Variants in CACNB2 observed in about 807,000 individuals in gnomAD.
CACNB2 encodes the protein calcium voltage-gated channel auxiliary subunit beta 2.
Under a neutral mutation model 73.3 loss-of-function variants are expected in CACNB2, and 42 were observed. That is an observed-to-expected ratio of 0.57 (90% CI 0.45 to 0.74). The LOEUF is 0.74. Ranked by LOEUF, CACNB2 falls within the 30% of genes least tolerant of loss-of-function variation. The probability of loss-of-function intolerance (pLI) is 0.00; values close to 1 mark genes in which losing one functional copy is unlikely to be tolerated. For synonymous variants in CACNB2, 348 were observed against 310.3 expected (o/e 1.12, Z -1.28); for missense variants, 940 against 853.0 (o/e 1.10, Z -1.27).
At chr10:18,254,752 G>A (rs572827461) in intron 2 of CACNB2, among the ~76,000 whole-genome samples, 119 of 152,344 alleles carry the variant, frequency 7.8e-4, no homozygotes, top group African/African-American at 2.6e-3. Context: ...GGAGAGAAAT[G>A]AGGACTGGAC....
chr10:18,378,165 T>C (rs1164529774), intron 2 of CACNB2, among the ~76,000 whole-genome samples: 1 of 152,158 alleles, frequency 6.6e-6, no homozygotes, highest in African/African-American at 2.4e-5. Context: ...CTGATAATTA[T>C]AATAAACTTC....
At chr10:18,366,419 C>T (rs1185451916) in intron 2 of CACNB2, among the ~76,000 whole-genome samples, 3 of 148,730 alleles carry the variant, frequency 2.0e-5, no homozygotes, top group Non-Finnish European at 4.4e-5. Flanking sequence ...AAGCCAAGAT[C>T]GCGCCACTGC....
At chr10:18,304,058 C>T (rs939394170) in intron 2 of CACNB2, among the ~76,000 whole-genome samples, 6 of 152,206 alleles carry the variant, frequency 3.9e-5, no homozygotes, top group African/African-American at 7.2e-5. Flanking sequence ...CAGGCTCCAT[C>T]GATCCTCCTA....
At chr10:18,329,684 A>G (rs2040724274) in intron 2 of CACNB2, among the ~76,000 whole-genome samples, 2 of 152,146 alleles carry the variant, frequency 1.3e-5, no homozygotes, top group South Asian at 4.1e-4. Context: ...CACATGGTAG[A>G]AACCAGTGCT....
intron 3 of CACNB2, among the ~76,000 whole-genome samples, chr10:18,451,942 C>G (rs1325989): frequency 0.1 from 15,275 of 152,192 alleles, 938 homozygotes; most frequent in Admixed American, 0.17. Flanking sequence ...TAGCTCATAA[C>G]AGCTGTATAA....
chr10:18,465,182 T>C (rs905669482), intron 3 of CACNB2, among the ~76,000 whole-genome samples: 1 of 152,136 alleles, frequency 6.6e-6, no homozygotes, highest in African/African-American at 2.4e-5. Context: ...ATATAAAAAT[T>C]AGCTGGGCTT....
intron 9 of CACNB2, 73 bp from the exon 10 acceptor site, chr10:18,527,515 T>C: frequency 2.3e-6 from 2 of 876,288 alleles, no homozygotes; most frequent in Non-Finnish European, 3.9e-6. Context: ...TAGATGAATT[T>C]GGGGCATACA....
intron 2 of CACNB2, among the ~76,000 whole-genome samples, chr10:18,244,522 G>A (rs1588828034): frequency 6.6e-6 from 1 of 152,326 alleles, no homozygotes; most frequent in South Asian, 2.1e-4. Context: ...CAGAAATTCT[G>A]TTAAGTACAC....
intron 2 of CACNB2, among the ~76,000 whole-genome samples, chr10:18,197,413 G>A (rs1341029248): frequency 1.3e-5 from 2 of 152,112 alleles, no homozygotes; most frequent in Non-Finnish European, 2.9e-5. Flanking sequence ...AATTTTATTG[G>A]CTGACAGAAC....
intron 2 of CACNB2, among the ~76,000 whole-genome samples, chr10:18,209,809 G>A (rs1386106845): frequency 6.6e-6 from 1 of 151,694 alleles, no homozygotes; most frequent in African/African-American, 2.4e-5. Context: ...ATATTTCTCT[G>A]GACAGGTTTA....
chr10:18,401,266 A>G (rs1016321131), intron 2 of CACNB2, among the ~76,000 whole-genome samples: 2 of 152,144 alleles, frequency 1.3e-5, no homozygotes, highest in East Asian at 1.9e-4. Context: ...TCCTTTTCCT[A>G]GGTTGTGATT....
chr10:18,534,657 C>T (rs1255990487), intron 11 of CACNB2, among the ~76,000 whole-genome samples: 1 of 152,174 alleles, frequency 6.6e-6, no homozygotes, highest in African/African-American at 2.4e-5. Flanking sequence ...GGAAAAAAAG[C>T]CAATTTCACT....
At position 18,498,324 on chromosome 10, in the gene CACNB2, AT is replaced by A. The variant is rs760815390; in HGVS notation, c.334-24del. ...GGAGGGACAGTGTTGTTTTGCTCTT[AT>A]TTTTTTCCCTCTTCCTTTTCCCACT... On this transcript the variant is annotated intron_variant, in intron 3 of 13. Coordinates refer to ENST00000324631, the MANE Select transcript of CACNB2 (RefSeq NM_201596.3). The A allele has an allele frequency of 5.6e-6, 9 of 1,613,314 alleles. No homozygotes were observed. The African/African-American group carries it at 1.1e-4, about 19-fold the overall frequency.
chr10:18,418,808 C>T (rs1411114258), intron 3 of CACNB2, among the ~76,000 whole-genome samples: 1 of 152,194 alleles, frequency 6.6e-6, no homozygotes, highest in Non-Finnish European at 1.5e-5. Flanking sequence ...TCATCCTGCC[C>T]TCCCTAGACT....
chr10:18,232,397 A>G (rs2036257185), intron 2 of CACNB2, among the ~76,000 whole-genome samples: 2 of 152,204 alleles, frequency 1.3e-5, no homozygotes, highest in African/African-American at 4.8e-5. Context: ...CGGGCTCCAC[A>G]GGTCACAGGT....
intron 3 of CACNB2, among the ~76,000 whole-genome samples, chr10:18,418,662 G>A (rs1589294190): frequency 6.6e-6 from 1 of 152,302 alleles, no homozygotes; most frequent in African/African-American, 2.4e-5. Context: ...ACGCCAATAT[G>A]TAGCCAGTCC....
At chr10:18,220,230 TATAGAGAGAGAGAG>T (rs1394408402) in intron 2 of CACNB2, among the ~76,000 whole-genome samples, 52 of 34,442 alleles carry the variant, frequency 1.5e-3, no homozygotes, top group African/African-American at 6.7e-3. Flanking sequence ...TATATATATA[TATAGAGAGAGAGAG>T]AGAGAGAGAG....
chr10:18,302,972 C>A (rs1303841510), intron 2 of CACNB2, among the ~76,000 whole-genome samples: 1 of 152,188 alleles, frequency 6.6e-6, no homozygotes, highest in African/African-American at 2.4e-5. Context: ...CATCTCTCTT[C>A]ATAAAGCTCT....
At chr10:18,512,533 C>T (rs2050866976) in intron 6 of CACNB2, among the ~76,000 whole-genome samples, 1 of 152,082 alleles carries the variant, frequency 6.6e-6, no homozygotes, top group Non-Finnish European at 1.5e-5. Flanking sequence ...ACAAAATCTG[C>T]AAAAAGAAAA....
Sources: allele counts gnomAD v4.1 joint callset (sites outside exome capture counted in the v4.1 genomes callset), GRCh38; gene constraint gnomAD v4.1.1; transcripts MANE v1.5; gene names NCBI Gene and HGNC (gene_info 2026-07-23, HGNC 2026-07-21).